Variants in HYCC1 observed in about 807,000 individuals in gnomAD.
HYCC1 encodes hyccin.
the HYCC1 span, among the ~76,000 whole-genome samples, chr7:22,973,792 T>C: frequency 6.6e-6 from 1 of 152,318 alleles, no homozygotes; most frequent in South Asian, 2.1e-4. Flanking sequence ...AATTGGTATA[T>C]TAGCAATTTT....
At chr7:23,003,649 GA>G in the HYCC1 span, among the ~76,000 whole-genome samples, 2 of 152,174 alleles carry the variant, frequency 1.3e-5, no homozygotes, top group South Asian at 4.1e-4. Context: ...TGGGGACAAA[GA>G]AAGACAGAAA....
the HYCC1 span, among the ~76,000 whole-genome samples, chr7:22,998,610 A>C: frequency 6.6e-6 from 1 of 152,192 alleles, no homozygotes; most frequent in Non-Finnish European, 1.5e-5. Context: ...TATTGAATAG[A>C]AGAATAAATT....
the HYCC1 span, among the ~76,000 whole-genome samples, chr7:22,973,916 C>T: frequency 6.6e-6 from 1 of 152,068 alleles, no homozygotes; most frequent in Admixed American, 6.5e-5. Context: ...TTCAGGGAAA[C>T]GTCAAGAGTG....
the HYCC1 span, among the ~76,000 whole-genome samples, chr7:22,956,176 C>G: frequency 6.6e-6 from 1 of 151,698 alleles, no homozygotes; most frequent in Non-Finnish European, 1.5e-5. Flanking sequence ...AGACAGCCCT[C>G]AATTTGTAGG....
chr7:22,900,110 T>C, the HYCC1 span, among the ~76,000 whole-genome samples: 1 of 152,216 alleles, frequency 6.6e-6, no homozygotes, highest in African/African-American at 2.4e-5. Context: ...AAAATGGGAA[T>C]AGGAGACATG....
the HYCC1 span, among the ~76,000 whole-genome samples, chr7:22,904,811 G>C: frequency 6.6e-6 from 1 of 150,672 alleles, no homozygotes; most frequent in South Asian, 2.1e-4. Flanking sequence ...AGGTGTGGTG[G>C]TATGCACCTG....
At chr7:22,961,631 T>C in the HYCC1 span, among the ~76,000 whole-genome samples, 39 of 152,168 alleles carry the variant, frequency 2.6e-4, no homozygotes, top group Non-Finnish European at 4.9e-4. Flanking sequence ...AATCAGAGAA[T>C]AATAAATTAT....
chr7:22,934,206 C>CTTTTTTTTTTTTTT, the HYCC1 span: 7 of 100,182 alleles, frequency 7.0e-5, no homozygotes, highest in Non-Finnish European at 1.1e-4. Context: ...TCTTTTTTTT[C>CTTTTTTTTTTTTTT]TTTTTTTTTT....
the HYCC1 span, among the ~76,000 whole-genome samples, chr7:22,901,221 C>CAAA: frequency 7.9e-3 from 168 of 21,370 alleles, 1 homozygote; most frequent in Non-Finnish European, 9.5e-3. Context: ...GACCCTGTCT[C>CAAA]AAAAAAAAAA....
chr7:22,932,121 A>G, the HYCC1 span, among the ~76,000 whole-genome samples: 1 of 152,228 alleles, frequency 6.6e-6, no homozygotes. Flanking sequence ...ACAATCAACC[A>G]TCTTATCAGA....
At chr7:23,002,156 A>ATATATACACAAT in the HYCC1 span, among the ~76,000 whole-genome samples, 13 of 24,434 alleles carry the variant, frequency 5.3e-4, 1 homozygote, top group African/African-American at 2.4e-3. Flanking sequence ...ATATATATAT[A>ATATATACACAAT]TATATATATA....
At chr7:23,003,355 C>A in the HYCC1 span, among the ~76,000 whole-genome samples, 35 of 151,378 alleles carry the variant, frequency 2.3e-4, no homozygotes, top group Non-Finnish European at 4.3e-4. Flanking sequence ...GACAAATAAA[C>A]CTAAAACAGC....
the HYCC1 span, among the ~76,000 whole-genome samples, chr7:22,986,544 T>C: frequency 6.6e-6 from 1 of 152,202 alleles, no homozygotes; most frequent in African/African-American, 2.4e-5. Flanking sequence ...TATGTTGGTA[T>C]ATTATTCTTG....
At chr7:22,930,518 G>T in the HYCC1 span, among the ~76,000 whole-genome samples, 3 of 152,024 alleles carry the variant, frequency 2.0e-5, no homozygotes, top group East Asian at 5.8e-4. Flanking sequence ...AAGGCCTAGT[G>T]GTTTCCCTGG....
At chr7:22,951,828 T>C in the HYCC1 span, among the ~76,000 whole-genome samples, 1 of 151,794 alleles carries the variant, frequency 6.6e-6, no homozygotes, top group Non-Finnish European at 1.5e-5. Context: ...CAATATTAAC[T>C]AAACAAAAAC....
the HYCC1 span, among the ~76,000 whole-genome samples, chr7:22,973,982 T>C: frequency 6.6e-6 from 1 of 152,092 alleles, no homozygotes. Flanking sequence ...TTATATATAA[T>C]ACATAAAAAT....
chr7:22,904,169 T>C, the HYCC1 span, among the ~76,000 whole-genome samples: 16 of 152,108 alleles, frequency 1.1e-4, no homozygotes, highest in Non-Finnish European at 1.9e-4. Flanking sequence ...TGGTGGCTCA[T>C]GCCTGTAATC....
At chr7:22,929,848 A>C in the HYCC1 span, among the ~76,000 whole-genome samples, 1 of 152,194 alleles carries the variant, frequency 6.6e-6, no homozygotes, top group Non-Finnish European at 1.5e-5. Context: ...CTGGGTATAT[A>C]CCCAAAGGAT....
At chr7:22,999,050 G>T in the HYCC1 span, among the ~76,000 whole-genome samples, 1 of 152,228 alleles carries the variant, frequency 6.6e-6, no homozygotes, top group South Asian at 2.1e-4. Context: ...AAGGTAAGCT[G>T]CCAGGAGAGA....
Sources: allele counts gnomAD v4.1 joint callset (sites outside exome capture counted in the v4.1 genomes callset), GRCh38; gene constraint gnomAD v4.1.1; transcripts MANE v1.5; gene names NCBI Gene and HGNC (gene_info 2026-07-23, HGNC 2026-07-21).